The following ZMAT4 variants were observed in gnomAD, a reference collection of about 807,000 sequenced individuals.
ZMAT4 encodes zinc finger matrin-type 4, also known as zinc finger matrin-type protein 4.
In ZMAT4, 17 loss-of-function variants were observed where a neutral mutation model predicts 28.7. That is an observed-to-expected ratio of 0.59 (90% confidence interval 0.41 to 0.89). The LOEUF is 0.89. ZMAT4 is among the 40% of genes least tolerant of loss of function. ZMAT4 has a pLI of 0.00. For synonymous variants in ZMAT4, 117 were observed against 109.2 expected (o/e 1.07, Z -0.44); for missense variants, 240 against 283.8 (o/e 0.85, Z 1.11).
chr8:40,827,510 G>T (rs1456774863), intron 1 of ZMAT4, among the ~76,000 whole-genome samples: 5 of 152,176 alleles, frequency 3.3e-5, no homozygotes, highest in African/African-American at 1.2e-4. Context: ...TGAAATAAAA[G>T]GATGTCTGCC....
chr8:40,776,539 T>C lies in ZMAT4; in HGVS notation c.103-8809A>G, dbSNP rs144332209. ...CAGTACAGAGCTAAATATGTCTCTATGATGTCTGTGCATTTTAAACAGAGT... is the reference window on the plus strand; with the variant it reads ...CAGTACAGAGCTAAATATGTCTCTACGATGTCTGTGCATTTTAAACAGAGT... On this transcript the variant is annotated intron_variant, in intron 2 of 6. Transcript: ENST00000297737. 2.0e-5 allele frequency among the ~76,000 whole-genome samples: 3 copies of C among 152,348 alleles called. No individual in the cohort carries two copies. In the East Asian group the frequency reaches 5.8e-4, roughly 29 times the overall value.
chr8:40,893,209 T>C (rs985080003), intron 1 of ZMAT4, among the ~76,000 whole-genome samples: 3 of 152,182 alleles, frequency 2.0e-5, no homozygotes, highest in Non-Finnish European at 2.9e-5. Flanking sequence ...GCTGCCCTCA[T>C]GGATTCCAGC....
At chr8:40,860,157 A>G (rs1349458205) in intron 1 of ZMAT4, among the ~76,000 whole-genome samples, 2 of 152,152 alleles carry the variant, frequency 1.3e-5, no homozygotes, top group African/African-American at 4.8e-5. Flanking sequence ...GCGTTCAGTA[A>G]TGACACCTGC....
At chr8:40,589,163 A>G (rs1366299683) in intron 5 of ZMAT4, among the ~76,000 whole-genome samples, 1 of 152,152 alleles carries the variant, frequency 6.6e-6, no homozygotes, top group Non-Finnish European at 1.5e-5. Context: ...TGCTTACTTT[A>G]CCCCATTTTC....
At chr8:40,648,434 A>G (rs1187772265) in intron 5 of ZMAT4, among the ~76,000 whole-genome samples, 14 of 151,366 alleles carry the variant, frequency 9.2e-5, no homozygotes, top group Non-Finnish European at 1.8e-4. Context: ...TGAAAAGACC[A>G]AATCTACGTC....
intron 2 of ZMAT4, among the ~76,000 whole-genome samples, chr8:40,811,244 G>A (rs922038343): frequency 1.3e-5 from 2 of 152,164 alleles, no homozygotes; most frequent in Admixed American, 1.3e-4. Flanking sequence ...TGTTTTACTG[G>A]AGGAACTTAC....
At chr8:40,685,827 A>G (rs1809379550) in intron 4 of ZMAT4, among the ~76,000 whole-genome samples, 1 of 152,174 alleles carries the variant, frequency 6.6e-6, no homozygotes, top group African/African-American at 2.4e-5. Flanking sequence ...AAAGCACTGG[A>G]TTAGGTTCCT....
chr8:40,570,607 G>A (rs568931462), intron 6 of ZMAT4, among the ~76,000 whole-genome samples: 1 of 152,124 alleles, frequency 6.6e-6, no homozygotes, highest in Non-Finnish European at 1.5e-5. Flanking sequence ...GGCTGAGGTG[G>A]GAGGATCATT....
intron 4 of ZMAT4, among the ~76,000 whole-genome samples, chr8:40,687,132 G>A (rs1809445155): frequency 6.6e-6 from 1 of 152,176 alleles, no homozygotes; most frequent in Non-Finnish European, 1.5e-5. Context: ...ATAAGAGGCA[G>A]AGAGATGATA....
Position 40,585,695 on chromosome 8 carries a change from C to T in ZMAT4, c.578-4434G>A, listed in dbSNP as rs145741438. 6.0e-4 allele frequency among the ~76,000 whole-genome samples: 92 copies of T among 152,256 alleles called. 1 individual carries two copies. The East Asian group carries it at 0.014, about 24-fold the overall frequency. On this transcript the variant is annotated intron_variant, in intron 5 of 6. Coordinates refer to ENST00000297737, the MANE Select transcript of ZMAT4 (RefSeq NM_024645.3). ...CGGTCCCCAAACCCAGAGGCTATAA[C>T]TTATCACTACCAGTGTGTGAGTTTT...
At chr8:40,610,934 T>C (rs1401704605) in intron 5 of ZMAT4, among the ~76,000 whole-genome samples, 2 of 49,352 alleles carry the variant, frequency 4.1e-5, no homozygotes, top group East Asian at 3.4e-3. Flanking sequence ...TTTGCCCTTT[T>C]GCATTTTTTT....
intron 5 of ZMAT4, among the ~76,000 whole-genome samples, chr8:40,648,087 G>A (rs974505315): frequency 4.6e-5 from 7 of 152,228 alleles, no homozygotes; most frequent in African/African-American, 9.6e-5. Context: ...TGACTTTGAC[G>A]AGCTGAGAGA....
At chr8:40,772,356 G>A (rs535863466) in intron 2 of ZMAT4, among the ~76,000 whole-genome samples, 4 of 152,298 alleles carry the variant, frequency 2.6e-5, no homozygotes, top group African/African-American at 7.2e-5. Context: ...CTCTTTGGGG[G>A]AATAAAGAAC....
chr8:40,756,810 G>A (rs1812718070), intron 3 of ZMAT4, among the ~76,000 whole-genome samples: 1 of 151,970 alleles, frequency 6.6e-6, no homozygotes, highest in African/African-American at 2.4e-5. Context: ...TGATCAATAT[G>A]TAACCTCATT....
intron 5 of ZMAT4, among the ~76,000 whole-genome samples, chr8:40,657,788 CA>C (rs1807992566): frequency 1.3e-5 from 2 of 152,164 alleles, no homozygotes; most frequent in African/African-American, 2.4e-5. Context: ...CTTAAAGTCT[CA>C]GTTTCCAAGA....
intron 1 of ZMAT4, among the ~76,000 whole-genome samples, chr8:40,882,495 T>A (rs1818315572): frequency 6.6e-6 from 1 of 152,158 alleles, no homozygotes; most frequent in South Asian, 2.1e-4. Context: ...GCTTTCTTAC[T>A]TACCAACCCA....
intron 3 of ZMAT4, among the ~76,000 whole-genome samples, chr8:40,718,858 T>C (rs1810963105): frequency 6.6e-6 from 1 of 152,208 alleles, no homozygotes; most frequent in Admixed American, 6.5e-5. Context: ...CTCATACTCT[T>C]GTGGATTCAA....
At chr8:40,558,546 CA>C (rs1803623053) in intron 6 of ZMAT4, among the ~76,000 whole-genome samples, 1 of 152,006 alleles carries the variant, frequency 6.6e-6, no homozygotes. Flanking sequence ...CCATTATCTT[CA>C]AGATTTCTGC....
intron 4 of ZMAT4, among the ~76,000 whole-genome samples, chr8:40,693,552 C>T (rs1809747264): frequency 1.3e-5 from 2 of 152,194 alleles, no homozygotes; most frequent in South Asian, 4.1e-4. Context: ...CCCTTTGCCT[C>T]CTTGATGCAT....
Sources: allele counts gnomAD v4.1 joint callset (sites outside exome capture counted in the v4.1 genomes callset), GRCh38; gene constraint gnomAD v4.1.1; transcripts MANE v1.5; gene names NCBI Gene and HGNC (gene_info 2026-07-23, HGNC 2026-07-21).